Variants in CYSLTR2 observed in about 807,000 individuals in gnomAD.
CYSLTR2 encodes the protein cysteinyl leukotriene receptor 2.
For synonymous variants in CYSLTR2, 179 were observed against 160.8 expected (o/e 1.11, Z -0.86); for missense variants, 398 against 411.9 (o/e 0.97, Z 0.29).
At chr13:48,689,207 G>A (rs2138930376) in intron 1 of CYSLTR2, among the ~76,000 whole-genome samples, 1 of 152,146 alleles carries the variant, frequency 6.6e-6, no homozygotes, top group East Asian at 1.9e-4. Flanking sequence ...TCTGTAGGTT[G>A]CCTGTTCACT....
intron 4 of CYSLTR2, among the ~76,000 whole-genome samples, chr13:48,699,477 C>A (rs974850209): frequency 6.6e-6 from 1 of 152,110 alleles, no homozygotes; most frequent in Non-Finnish European, 1.5e-5. Context: ...CCAATGAGAG[C>A]AAAGACACAA....
intron 1 of CYSLTR2, among the ~76,000 whole-genome samples, chr13:48,668,273 C>T (rs755252437): frequency 1.2e-4 from 18 of 150,012 alleles, no homozygotes; most frequent in Admixed American, 4.6e-4. Context: ...ATGTCAGTTG[C>T]TAAGGTGATC....
intron 1 of CYSLTR2, among the ~76,000 whole-genome samples, chr13:48,687,183 G>T (rs562737635): frequency 6.6e-6 from 1 of 152,088 alleles, no homozygotes; most frequent in African/African-American, 2.4e-5. Context: ...TTCAAACTCA[G>T]CCTGAGAATT....
intron 1 of CYSLTR2, among the ~76,000 whole-genome samples, chr13:48,685,308 A>C (rs965053946): frequency 2.6e-5 from 4 of 152,142 alleles, no homozygotes; most frequent in Admixed American, 2.6e-4. Context: ...TCATGAGAAC[A>C]GCACCGAGGG....
In CYSLTR2 at chr13:48,708,003, A is replaced by C; in HGVS notation, c.*145A>C. 2 of 670,594 alleles carry C rather than the reference A, an allele frequency of 3.0e-6. No individual in the cohort carries two copies. The highest frequency in any genetic ancestry group is 4.6e-6 in the Non-Finnish European group (2 of 434,858). The allele number at this position is 670,594 out of a possible 1,614,324, so 41.5% of individuals were successfully genotyped here. Reference sequence around the variant, plus strand: ...ACCATTACTTTTGTTAATAAGACCTACTTCAAAAATTTTATTCAGTGTATT... The same window carrying C: ...ACCATTACTTTTGTTAATAAGACCTCCTTCAAAAATTTTATTCAGTGTATT... On this transcript the variant is annotated 3_prime_UTR_variant, in exon 5 of 5. Coordinates refer to ENST00000682523, the MANE Select transcript of CYSLTR2 (RefSeq NM_001308476.3).
At chr13:48,659,040 G>A (rs1051428018) in intron 1 of CYSLTR2, among the ~76,000 whole-genome samples, 3 of 151,998 alleles carry the variant, frequency 2.0e-5, no homozygotes, top group African/African-American at 4.8e-5. Flanking sequence ...GTACTAGGCC[G>A]GTCTTGAGCT....
At chr13:48,668,903 T>C (rs1953342502) in intron 1 of CYSLTR2, among the ~76,000 whole-genome samples, 1 of 152,168 alleles carries the variant, frequency 6.6e-6, no homozygotes, top group African/African-American at 2.4e-5. Context: ...AATGATAGTT[T>C]CCAGCTTCAT....
At chr13:48,671,923 G>A (rs1471063297) in intron 1 of CYSLTR2, among the ~76,000 whole-genome samples, 1 of 148,476 alleles carries the variant, frequency 6.7e-6, no homozygotes, top group Admixed American at 6.7e-5. Context: ...TTTTTTTTTT[G>A]GTTCGTAGGC....
intron 1 of CYSLTR2, among the ~76,000 whole-genome samples, chr13:48,665,545 T>A (rs959333519): frequency 1.8e-4 from 28 of 152,230 alleles, no homozygotes; most frequent in African/African-American, 6.3e-4. Context: ...GAATTCATCT[T>A]TCTATTATTA....
chr13:48,659,217 C>T (rs1953069091), intron 1 of CYSLTR2, among the ~76,000 whole-genome samples: 1 of 152,190 alleles, frequency 6.6e-6, no homozygotes. Context: ...CCACTGCCCC[C>T]ATGCCACTGG....
intron 1 of CYSLTR2, among the ~76,000 whole-genome samples, chr13:48,675,658 G>A (rs1268371116): frequency 2.0e-5 from 3 of 152,078 alleles, no homozygotes; most frequent in Non-Finnish European, 4.4e-5. Flanking sequence ...AAAGTGAATG[G>A]TTCTGTCTTG....
At chr13:48,706,223 T>C (rs1205426515) in intron 4 of CYSLTR2, among the ~76,000 whole-genome samples, 1 of 152,156 alleles carries the variant, frequency 6.6e-6, no homozygotes, top group African/African-American at 2.4e-5. Context: ...CTTGAACTCC[T>C]GACCTCAGGT....
chr13:48,672,616 C>CTTTTTTT (rs71076039), intron 1 of CYSLTR2, among the ~76,000 whole-genome samples: 6 of 120,128 alleles, frequency 5.0e-5, no homozygotes, highest in Non-Finnish European at 6.8e-5. Context: ...CTTTTCTTTT[C>CTTTTTTT]TTTTTTTTTT....
At chr13:48,686,671 A>G (rs1390172859) in intron 1 of CYSLTR2, among the ~76,000 whole-genome samples, 1 of 152,192 alleles carries the variant, frequency 6.6e-6, no homozygotes, top group Non-Finnish European at 1.5e-5. Context: ...TGGTTAGCAC[A>G]AATTTCTCTT....
At chr13:48,699,761 T>A (rs1295510856) in intron 4 of CYSLTR2, among the ~76,000 whole-genome samples, 7 of 152,054 alleles carry the variant, frequency 4.6e-5, no homozygotes, top group Non-Finnish European at 8.8e-5. Flanking sequence ...ACAAAATTGA[T>A]AGACTGCTAG....
intron 1 of CYSLTR2, among the ~76,000 whole-genome samples, chr13:48,671,375 C>G (rs1341178214): frequency 6.6e-6 from 1 of 152,174 alleles, no homozygotes; most frequent in Non-Finnish European, 1.5e-5. Flanking sequence ...GGGAATGCTT[C>G]CAGCTTTTGC....
chr13:48,683,535 CT>C (rs1287145451), intron 1 of CYSLTR2, among the ~76,000 whole-genome samples: 1 of 151,932 alleles, frequency 6.6e-6, no homozygotes, highest in East Asian at 1.9e-4. Flanking sequence ...AATATGTCTT[CT>C]TTTGAAAAGT....
At chr13:48,659,878 C>T (rs1455898141) in intron 1 of CYSLTR2, among the ~76,000 whole-genome samples, 8 of 152,116 alleles carry the variant, frequency 5.3e-5, no homozygotes, top group African/African-American at 4.8e-5. Flanking sequence ...GAGATTTTTA[C>T]GAAAATTAAA....
chr13:48,656,544 G>A (rs976955995), intron 1 of CYSLTR2, among the ~76,000 whole-genome samples: 1 of 152,162 alleles, frequency 6.6e-6, no homozygotes, highest in African/African-American at 2.4e-5. Context: ...AAAAGCACAT[G>A]CTTTCATTCA....
Sources: gnomAD v4.1 joint callset for allele counts (sites outside exome capture counted in the v4.1 genomes callset) on GRCh38, gnomAD v4.1.1 for gene constraint, MANE v1.5 for transcripts, NCBI Gene and HGNC (gene_info 2026-07-23, HGNC 2026-07-21) for gene names.